NXPE2: variants seen among roughly 807,000 people sequenced by gnomAD.
NXPE2 encodes NXPE family member 2.
NXPE2 carries 34 observed loss-of-function variants against 34.4 expected under a neutral mutation model. The ratio of observed to expected loss-of-function variants is 0.99; its 90% CI spans 0.75 to 1.31. The LOEUF (loss-of-function observed/expected upper bound fraction) is 1.31. Among genes scored for constraint, NXPE2 ranks in the 40% most tolerant of loss-of-function variants. The probability of loss-of-function intolerance (pLI) is 0.00; values close to 1 mark genes in which losing one functional copy is unlikely to be tolerated. For missense variants in NXPE2, 649 were observed against 672.5 expected (o/e 0.97, Z 0.39); for synonymous variants, 235 against 231.3 (o/e 1.02, Z -0.15).
chr11:114,615,985 A>G, the NXPE2 span, among the ~76,000 whole-genome samples: 1 of 149,454 alleles, frequency 6.7e-6, no homozygotes, highest in Non-Finnish European at 1.5e-5. Flanking sequence ...TCTCTCGTGG[A>G]AAAGCACTGT....
chr11:114,761,014 T>C, the NXPE2 span, among the ~76,000 whole-genome samples: 1 of 152,084 alleles, frequency 6.6e-6, no homozygotes, highest in Non-Finnish European at 1.5e-5. Flanking sequence ...GTCTGAGGGG[T>C]CTGATTTGAA....
At chr11:114,734,131 C>T in the NXPE2 span, among the ~76,000 whole-genome samples, 10 of 152,136 alleles carry the variant, frequency 6.6e-5, no homozygotes, top group African/African-American at 2.4e-4. Flanking sequence ...TTAAAAAATC[C>T]TCTGGGCTTC....
chr11:114,725,416 A>C, the NXPE2 span, among the ~76,000 whole-genome samples: 1 of 151,882 alleles, frequency 6.6e-6, no homozygotes, highest in Non-Finnish European at 1.5e-5. Context: ...CTTCTTCCTC[A>C]TCTCACTGAC....
At chr11:114,625,334 C>T in the NXPE2 span, among the ~76,000 whole-genome samples, 4 of 152,220 alleles carry the variant, frequency 2.6e-5, no homozygotes, top group Admixed American at 1.3e-4. Context: ...TGTGGGTAAC[C>T]ACTGTTACTG....
the NXPE2 span, chr11:114,571,182 C>T: frequency 6.2e-7 from 1 of 1,613,990 alleles, no homozygotes; most frequent in Non-Finnish European, 8.5e-7. Context: ...GTCTGGGCTT[C>T]TCAGAAGAAG....
the NXPE2 span, among the ~76,000 whole-genome samples, chr11:114,506,983 C>G: frequency 1.3e-5 from 2 of 151,536 alleles, no homozygotes; most frequent in East Asian, 3.9e-4. Context: ...AGACCACTAG[C>G]TAGACTAAGA....
the NXPE2 span, among the ~76,000 whole-genome samples, chr11:114,627,991 C>G: frequency 2.0e-4 from 30 of 151,792 alleles, 1 homozygote; most frequent in East Asian, 5.4e-3. Flanking sequence ...ATATATGGAC[C>G]CAACACAGGA....
At chr11:114,469,727 G>A in the NXPE2 span, among the ~76,000 whole-genome samples, 10 of 151,892 alleles carry the variant, frequency 6.6e-5, no homozygotes, top group Non-Finnish European at 1.0e-4. Context: ...TCCTGACCTC[G>A]TGATTCGCCC....
intron 2 of NXPE2, among the ~76,000 whole-genome samples, chr11:114,681,942 A>C (rs1950957902): frequency 6.6e-6 from 1 of 152,200 alleles, no homozygotes; most frequent in Non-Finnish European, 1.5e-5. Flanking sequence ...AAAGTTTGTC[A>C]AATATCAAAG....
the NXPE2 span, among the ~76,000 whole-genome samples, chr11:114,550,517 T>C: frequency 6.6e-6 from 1 of 151,994 alleles, no homozygotes; most frequent in African/African-American, 2.4e-5. Context: ...AATTGGAGAG[T>C]CATATGGAAA....
the NXPE2 span, among the ~76,000 whole-genome samples, chr11:114,746,271 T>C: frequency 2.0e-5 from 3 of 152,300 alleles, no homozygotes; most frequent in East Asian, 1.9e-4. Context: ...TAACTAGTTA[T>C]GGTAATGGGT....
the NXPE2 span, among the ~76,000 whole-genome samples, chr11:114,566,915 C>T: frequency 6.6e-6 from 1 of 152,128 alleles, no homozygotes; most frequent in South Asian, 2.1e-4. Flanking sequence ...TACCTCTTGA[C>T]TCCAAATTTG....
chr11:114,549,939 A>G, the NXPE2 span, among the ~76,000 whole-genome samples: 1 of 152,088 alleles, frequency 6.6e-6, no homozygotes, highest in Admixed American at 6.6e-5. Flanking sequence ...AATAGAGAGA[A>G]GCTAAAATGG....
At chr11:114,667,413 C>A in the NXPE2 span, among the ~76,000 whole-genome samples, 1 of 152,002 alleles carries the variant, frequency 6.6e-6, no homozygotes, top group Non-Finnish European at 1.5e-5. Flanking sequence ...TAGAGATTAT[C>A]CATTAATTAA....
chr11:114,707,348 G>A (rs930318070), downstream of NXPE2: 20 of 356,890 alleles, frequency 5.6e-5, no homozygotes, highest in Non-Finnish European at 7.2e-5. Context: ...TGCCCACCTC[G>A]GCCTCCCAAA....
chr11:114,583,929 A>C, the NXPE2 span: 1 of 393,220 alleles, frequency 2.5e-6, no homozygotes. Context: ...GCTATTAACT[A>C]TCTGCTCCTA....
At chr11:114,519,627 G>A in the NXPE2 span, among the ~76,000 whole-genome samples, 2 of 152,134 alleles carry the variant, frequency 1.3e-5, no homozygotes, top group African/African-American at 4.8e-5. Context: ...GTGATTGGGA[G>A]TTTGACAGGT....
At chr11:114,518,887 A>C in the NXPE2 span, among the ~76,000 whole-genome samples, 2 of 144,502 alleles carry the variant, frequency 1.4e-5, no homozygotes, top group Non-Finnish European at 3.0e-5. Flanking sequence ...TTACATATTC[A>C]TGCTATAAAG....
chr11:114,513,188 A>C, the NXPE2 span: 1 of 546,922 alleles, frequency 1.8e-6, no homozygotes, highest in South Asian at 1.4e-5. Context: ...GTGGTCTCTC[A>C]CCTCCAGCAG....
Sources: gnomAD v4.1 joint callset for allele counts (sites outside exome capture counted in the v4.1 genomes callset) on GRCh38, gnomAD v4.1.1 for gene constraint, MANE v1.5 for transcripts, NCBI Gene and HGNC (gene_info 2026-07-23, HGNC 2026-07-21) for gene names.